The following ZNF609 variants were observed in gnomAD, a reference collection of about 807,000 sequenced individuals.
The protein encoded by ZNF609 is zinc finger protein 609.
ZNF609 carries 11 observed loss-of-function variants against 109.5 expected under a neutral mutation model. The ratio of observed to expected loss-of-function variants is 0.10; its 90% CI spans 0.06 to 0.17. The LOEUF (loss-of-function observed/expected upper bound fraction) is 0.17. Ranked by LOEUF, ZNF609 falls within the 10% of genes least tolerant of loss-of-function variation. ZNF609 has a pLI of 1.00. For missense variants in ZNF609, 1,559 were observed against 1,772.4 expected, an observed-to-expected ratio of 0.88 and a Z score of 2.16; for synonymous variants, 646 against 662.0, an observed-to-expected ratio of 0.98 and a Z score of 0.37.
At chr15:64,663,462 G>A (rs2141006328) in intron 3 of ZNF609, among the ~76,000 whole-genome samples, 1 of 152,256 alleles carries the variant, frequency 6.6e-6, no homozygotes, top group Middle Eastern at 3.4e-3. Flanking sequence ...CAGGAGCTCA[G>A]TTTGGAACAT....
chr15:64,511,583 A>G (rs116565419), intron 2 of ZNF609, among the ~76,000 whole-genome samples: 1,976 of 152,130 alleles, frequency 0.013, 33 homozygotes, highest in African/African-American at 0.046. Context: ...TACAGAAATT[A>G]ACATTCAGGT....
At chr15:64,665,973 G>C (rs1308572905) in intron 3 of ZNF609, among the ~76,000 whole-genome samples, 1 of 151,654 alleles carries the variant, frequency 6.6e-6, no homozygotes, top group Non-Finnish European at 1.5e-5. Context: ...TACTCAGGAG[G>C]CTGAGGCAGG....
intron 2 of ZNF609, among the ~76,000 whole-genome samples, chr15:64,540,895 G>T (rs1894241792): frequency 2.0e-5 from 3 of 150,552 alleles, no homozygotes; most frequent in Admixed American, 2.0e-4. Context: ...GGGCATGGTG[G>T]CATGCACCTG....
At chr15:64,547,070 A>G (rs1278016635) in intron 2 of ZNF609, among the ~76,000 whole-genome samples, 1 of 152,128 alleles carries the variant, frequency 6.6e-6, no homozygotes, top group African/African-American at 2.4e-5. Context: ...GATTACAGGC[A>G]TGAGCCACCA....
intron 2 of ZNF609, among the ~76,000 whole-genome samples, chr15:64,518,743 A>C (rs1893849490): frequency 6.6e-6 from 1 of 152,236 alleles, no homozygotes; most frequent in African/African-American, 2.4e-5. Context: ...GCATCTTGGT[A>C]ATTGATACCA....
At chr15:64,466,116 CAAAAAA>C (rs749648623) in intron 1 of ZNF609, among the ~76,000 whole-genome samples, 7 of 81,884 alleles carry the variant, frequency 8.5e-5, no homozygotes, top group African/African-American at 1.5e-4. Flanking sequence ...AACCCTGTCT[CAAAAAA>C]AAAAAAAAAA....
At chr15:64,483,655 A>C (rs1893289608) in intron 1 of ZNF609, among the ~76,000 whole-genome samples, 1 of 152,086 alleles carries the variant, frequency 6.6e-6, no homozygotes, top group East Asian at 1.9e-4. Context: ...CAAAGTGCTG[A>C]GATTACAGGT....
At chr15:64,576,967 CATAA>C (rs1438337150) in intron 2 of ZNF609, among the ~76,000 whole-genome samples, 4 of 133,076 alleles carry the variant, frequency 3.0e-5, no homozygotes, top group South Asian at 2.3e-4. Flanking sequence ...TATATATACA[CATAA>C]ATATATATAT....
intron 2 of ZNF609, among the ~76,000 whole-genome samples, chr15:64,515,615 T>A (rs1416655247): frequency 1.3e-5 from 2 of 151,978 alleles, no homozygotes; most frequent in African/African-American, 4.8e-5. Flanking sequence ...TAATGTCCCC[T>A]CTGAACCATC....
At chr15:64,649,544 A>G (rs906413752) in intron 3 of ZNF609, among the ~76,000 whole-genome samples, 7 of 152,234 alleles carry the variant, frequency 4.6e-5, no homozygotes, top group African/African-American at 1.7e-4. Context: ...CTGTCAGCTC[A>G]TCAGCCAGAG....
intron 2 of ZNF609, among the ~76,000 whole-genome samples, chr15:64,503,579 A>G (rs1270179023): frequency 6.6e-6 from 1 of 152,208 alleles, no homozygotes; most frequent in East Asian, 1.9e-4. Flanking sequence ...GTCAGGGCTT[A>G]CGACCAGGAG....
chr15:64,514,517 A>G (rs1423018897), intron 2 of ZNF609, among the ~76,000 whole-genome samples: 1 of 152,074 alleles, frequency 6.6e-6, no homozygotes, highest in African/African-American at 2.4e-5. Flanking sequence ...CCTCTTACCA[A>G]CATAAATATT....
intron 5 of ZNF609, among the ~76,000 whole-genome samples, chr15:64,677,314 C>T (rs1376383283): frequency 1.3e-5 from 2 of 152,204 alleles, no homozygotes; most frequent in African/African-American, 4.8e-5. Context: ...CCTCGCGCCT[C>T]AGCCTCCCAA....
chr15:64,590,123 T>G (rs927765598), intron 2 of ZNF609, among the ~76,000 whole-genome samples: 3 of 152,194 alleles, frequency 2.0e-5, no homozygotes, highest in African/African-American at 7.2e-5. Flanking sequence ...GCCAACTACT[T>G]GCTGATTAGA....
intron 3 of ZNF609, among the ~76,000 whole-genome samples, chr15:64,632,984 A>G (rs1351661883): frequency 6.0e-5 from 9 of 150,418 alleles, no homozygotes. Context: ...GGGTCTCACT[A>G]TGTTTTACAG....
In ZNF609 at chr15:64,674,754, A is replaced by G. The variant is rs760178610; in HGVS notation, c.1900A>G (p.Lys634Glu). The G allele has an allele frequency of 1.2e-6, 2 of 1,613,956 alleles. No individual in the cohort carries two copies. Among genetic ancestry groups the G allele is most frequent in the African/African-American group, 2.7e-5 (2 of 74,910 alleles). ...FDSLERKCME[K>E]EKCKKPSSLK... is the part of the protein sequence containing the mutation. ...TTCTTTAGAAAGGAAGTGTATGGAAAAAGAAAAATGTAAAAAACCCTCTAG... is the reference window on the plus strand; with the variant it reads ...TTCTTTAGAAAGGAAGTGTATGGAAGAAGAAAAATGTAAAAAACCCTCTAG... Residue 634 changes from lysine to glutamate, a missense_variant, in exon 5 of 10, where the codon AAA (lysine) becomes GAA (glutamate). Physicochemically the swap from Lys to Glu is moderately conservative, Grantham distance 56. Around this residue, in one of 4 missense-constraint regions of ZNF609, gnomAD observed 1,204 missense variants for 1,314.1 expected, o/e 0.92. Transcript: ENST00000326648.
At chr15:64,554,475 T>C (rs976081575) in intron 2 of ZNF609, among the ~76,000 whole-genome samples, 1 of 151,036 alleles carries the variant, frequency 6.6e-6, no homozygotes, top group African/African-American at 2.4e-5. Context: ...ACCCCATCTC[T>C]ACAAACAAAA....
intron 2 of ZNF609, among the ~76,000 whole-genome samples, chr15:64,503,480 T>C (rs1893590904): frequency 6.6e-6 from 1 of 152,130 alleles, no homozygotes; most frequent in Non-Finnish European, 1.5e-5. Context: ...CTGAGTGTCC[T>C]GAGCTTAGTG....
At chr15:64,560,150 A>G (rs1894653179) in intron 2 of ZNF609, among the ~76,000 whole-genome samples, 1 of 152,098 alleles carries the variant, frequency 6.6e-6, no homozygotes, top group Admixed American at 6.5e-5. Context: ...GGTTCAAGTG[A>G]TTCTCCTGCC....
Sources: gnomAD v4.1 joint callset for allele counts (sites outside exome capture counted in the v4.1 genomes callset) on GRCh38, gnomAD v4.1.1 for gene constraint, gnomAD v4.1.1 regional missense constraint, MANE v1.5 for transcripts, NCBI Gene and HGNC (gene_info 2026-07-23, HGNC 2026-07-21) for gene names.